The following PINLYP variants were observed in gnomAD, a reference collection of about 807,000 sequenced individuals.
PINLYP encodes phospholipase A2 inhibitor and Ly6/PLAUR domain-containing protein.
Under a neutral mutation model 15.8 loss-of-function variants are expected in PINLYP, and 12 were observed. The ratio of observed to expected loss-of-function variants is 0.76; its 90% CI spans 0.49 to 1.23. The LOEUF is 1.23. Among genes scored for constraint, PINLYP ranks in the 50% most tolerant of loss-of-function variants. PINLYP has a pLI of 0.00. For synonymous variants in PINLYP, 93 were observed against 97.7 expected, an observed-to-expected ratio of 0.95 and a Z score of 0.28; for missense variants, 278 against 264.2, an observed-to-expected ratio of 1.05 and a Z score of -0.36.
chr19:43,581,764 C>T (rs1361506733), intron 5 of PINLYP, 61 bp downstream of exon 5: 4 of 1,533,432 alleles, frequency 2.6e-6, no homozygotes, highest in African/African-American at 2.7e-5. Context: ...CTTCTAGGTT[C>T]GATGGGAGGA....
At chr19:43,581,080 G>GA (rs199659802) in intron 3 of PINLYP, 132 bp from the exon 4 acceptor site, 16,631 of 1,072,550 alleles carry the variant, frequency 0.016, 246 homozygotes, top group African/African-American at 0.059. Context: ...AGAAAAGAAA[G>GA]AAAAAAAAGA....
At chr19:43,577,388 C>A in intron 2 of PINLYP, 127 bp downstream of exon 2, 1 of 1,045,382 alleles carries the variant, frequency 9.6e-7, no homozygotes, top group Non-Finnish European at 1.3e-6. Flanking sequence ...GGGAGGCATT[C>A]TGGAAATTCA....
upstream of PINLYP, chr19:43,575,529 G>A (rs1459039190): frequency 5.9e-6 from 9 of 1,531,244 alleles, no homozygotes; most frequent in African/African-American, 1.4e-5. Context: ...AGGGAGAGTG[G>A]GAGGGGGCGG....
rs2146081035 is a variant in PINLYP at position 43,578,457 on chromosome 19, C to A, written c.71-133C>A. On this transcript the variant is annotated intron_variant, in intron 2 of 5. Transcript: ENST00000599207. Reference sequence around the variant, plus strand: ...TCTGGACAGTTCCTTGGGCAGTGGTCAACATCCCGCCCATGAAAAACCAGG... The same window carrying A: ...TCTGGACAGTTCCTTGGGCAGTGGTAAACATCCCGCCCATGAAAAACCAGG... 3 of 624,426 alleles carry A rather than the reference C, an allele frequency of 4.8e-6. No individual in the cohort carries two copies. In the East Asian group the frequency reaches 8.7e-5, roughly 18 times the overall value. The allele number at this position is 624,426 out of a possible 1,614,324, so 38.7% of individuals were successfully genotyped here.
exon 5 of PINLYP, chr19:43,581,644 T>G: frequency 6.5e-7 from 1 of 1,536,534 alleles, no homozygotes; most frequent in Non-Finnish European, 8.7e-7. Flanking sequence ...ATGGGGCCCA[T>G]GACCCACTGT....
exon 2 of PINLYP, chr19:43,577,141 T>C: frequency 1.3e-6 from 2 of 1,535,896 alleles, no homozygotes; most frequent in Non-Finnish European, 8.7e-7. Context: ...GACCCACCCC[T>C]CCTCAGCTTC....
chr19:43,581,495 G>A, intron 4 of PINLYP, 68 bp from the exon 5 acceptor site: 2 of 1,509,472 alleles, frequency 1.3e-6, no homozygotes, highest in Non-Finnish European at 8.8e-7. Context: ...TGTTTCCCGG[G>A]GTTGTTGGGA....
chr19:43,577,756 G>A (rs1972884073), intron 2 of PINLYP, among the ~76,000 whole-genome samples: 1 of 149,658 alleles, frequency 6.7e-6, no homozygotes, highest in African/African-American at 2.5e-5. Context: ...TACAAAAAAA[G>A]TTAGCTGAGC....
upstream of PINLYP, chr19:43,575,648 C>CAG (rs1972852670): frequency 2.1e-6 from 1 of 477,802 alleles, no homozygotes; most frequent in Non-Finnish European, 3.8e-6. Flanking sequence ...CGCGCCTCTC[C>CAG]AGAGCGGGAA....
At chr19:43,578,793 T>C (rs304731) in intron 3 of PINLYP, 87 bp downstream of exon 3, 814,584 of 1,025,022 alleles carry the variant, frequency 0.79, 325,082 homozygotes, top group East Asian at 0.89. Flanking sequence ...GGGATCATCA[T>C]GGTTCTCAAG....
chr19:43,581,774 AGAG>A, intron 5 of PINLYP, 71 bp downstream of exon 5: 1 of 1,533,230 alleles, frequency 6.5e-7, no homozygotes. Flanking sequence ...CGATGGGAGG[AGAG>A]GGTTCCAGAG....
exon 1 of PINLYP, chr19:43,575,953 G>C (rs1972857069): frequency 6.6e-6 from 1 of 152,246 alleles, no homozygotes; most frequent in Non-Finnish European, 1.5e-5. Context: ...CCAGGATGGA[G>C]TGCAGTGGCA....
chr19:43,578,789 A>G, intron 3 of PINLYP, 83 bp downstream of exon 3: 2 of 1,081,688 alleles, frequency 1.8e-6, no homozygotes, highest in Non-Finnish European at 2.7e-6. Context: ...AGGGGGGATC[A>G]TCATGGTTCT....
At position 43,581,928 on chromosome 19, in the gene PINLYP, A is replaced by G. The variant is rs1294524664; in HGVS notation, c.542A>G (p.Lys181Arg). The change falls in exon 6 of 6, where the codon AAG becomes AGG. Residue 181 changes from lysine (K) to arginine (R), a missense_variant. Transcript: ENST00000599207. ...GCTACAGAGAGTATGTGCTTTACCA[A>G]GCCTGGTGCTGAAGTACCCACAGGC... The G allele has an allele frequency of 2.0e-6, 3 of 1,536,520 alleles. No homozygotes were observed. In the East Asian group the frequency reaches 7.3e-5, roughly 38 times the overall value.
At chr19:43,578,664 G>A in exon 3 of PINLYP, 1 of 1,536,026 alleles carries the variant, frequency 6.5e-7, no homozygotes, top group Non-Finnish European at 8.7e-7. Flanking sequence ...CTGCAGCAGT[G>A]ACAAGGACAC....
exon 1 of PINLYP, chr19:43,576,872 C>G (rs557074271): frequency 2.9e-6 from 1 of 340,734 alleles, no homozygotes; most frequent in Non-Finnish European, 5.4e-6. Context: ...GGCCCAACTC[C>G]GTCTTGGTCT....
At chr19:43,578,660 C>T (rs1972894043) in exon 3 of PINLYP, 3 of 1,535,872 alleles carry the variant, frequency 2.0e-6, no homozygotes, top group South Asian at 2.4e-5. Context: ...AGACCTGCAG[C>T]AGTGACAAGG....
At chr19:43,578,743 G>C in intron 3 of PINLYP, 37 bp downstream of exon 3, 1 of 1,474,292 alleles carries the variant, frequency 6.8e-7, no homozygotes, top group East Asian at 2.5e-5. Context: ...TGGGGAGGTG[G>C]GGTGTACCTT....
intron 2 of PINLYP, among the ~76,000 whole-genome samples, 165 bp from the exon 3 acceptor site, chr19:43,578,425 G>A (rs545637302): frequency 1.5e-4 from 23 of 152,122 alleles, no homozygotes; most frequent in Non-Finnish European, 2.8e-4. Flanking sequence ...CTGCTTCTTC[G>A]TCCAACTCTG....
Sources: allele counts gnomAD v4.1 joint callset (sites outside exome capture counted in the v4.1 genomes callset), GRCh38; gene constraint gnomAD v4.1.1; transcripts MANE v1.5; gene names NCBI Gene and HGNC (gene_info 2026-07-23, HGNC 2026-07-21).